Variants in ATG5 observed in about 807,000 individuals in gnomAD.
ATG5 encodes the protein autophagy protein 5.
A neutral mutation model predicts 36.5 loss-of-function variants in ATG5; 14 were observed. The ratio of observed to expected loss-of-function variants is 0.38; its 90% confidence interval spans 0.25 to 0.60. The LOEUF is 0.60. Ranked by LOEUF, ATG5 falls within the 20% of genes least tolerant of loss-of-function variation. The pLI, the probability that ATG5 is intolerant of heterozygous loss-of-function variation, is 0.60. For synonymous variants in ATG5, 95 were observed against 101.5 expected (o/e 0.94, Z 0.38); for missense variants, 195 against 326.7 (o/e 0.60, Z 3.11).
Position 106,196,642 on chromosome 6 carries a change from G to A in ATG5, c.691+5330C>T, listed in dbSNP as rs548705514. On this transcript the variant is annotated intron_variant, in intron 7 of 7. Transcript: ENST00000369076. Reference sequence around the variant, plus strand: ...GCGTGACCGAAGCACAAGATTGCTTGAACCTGGGAGGCAGGGGTTGCAGTG... The same window carrying A: ...GCGTGACCGAAGCACAAGATTGCTTAAACCTGGGAGGCAGGGGTTGCAGTG... Among the ~76,000 whole-genome samples the A allele has an allele frequency of 1.3e-3, 199 of 151,958 alleles. 2 individuals carry two copies. The highest frequency in any genetic ancestry group is 7.4e-4 in the Non-Finnish European group (50 of 67,960).
chr6:106,190,116 C>G (rs1049929862), intron 7 of ATG5, among the ~76,000 whole-genome samples: 2 of 152,084 alleles, frequency 1.3e-5, no homozygotes, highest in African/African-American at 4.8e-5. Flanking sequence ...TATCAACTAT[C>G]CCAATAATGT....
chr6:106,201,273 ATATGTG>A (rs1271620409), intron 7 of ATG5, among the ~76,000 whole-genome samples: 5 of 91,726 alleles, frequency 5.5e-5, no homozygotes, highest in African/African-American at 3.0e-4. Flanking sequence ...ATTCAAGTGT[ATATGTG>A]TGTGTGTGTG....
chr6:106,301,751 C>T (rs756917742), intron 3 of ATG5, among the ~76,000 whole-genome samples: 12 of 151,866 alleles, frequency 7.9e-5, no homozygotes, highest in Non-Finnish European at 1.6e-4. Flanking sequence ...ACAAACATTC[C>T]AAAATCTGAA....
intron 5 of ATG5, among the ~76,000 whole-genome samples, chr6:106,257,297 T>C (rs561588617): frequency 6.6e-6 from 1 of 152,322 alleles, no homozygotes; most frequent in Admixed American, 6.5e-5. Flanking sequence ...TCTAAAATAA[T>C]GAAAAAAGTA....
chr6:106,306,544 C>A (rs556709908), intron 3 of ATG5, among the ~76,000 whole-genome samples: 1 of 152,210 alleles, frequency 6.6e-6, no homozygotes, highest in South Asian at 2.1e-4. Flanking sequence ...ACAGGGTAGC[C>A]CACCACAACA....
At chr6:106,224,107 A>G (rs944582572) in intron 6 of ATG5, among the ~76,000 whole-genome samples, 1 of 152,252 alleles carries the variant, frequency 6.6e-6, no homozygotes, top group African/African-American at 2.4e-5. Context: ...ATCTGAAGTA[A>G]CTTTAGAAGC....
At chr6:106,232,646 C>T (rs1407607357) in intron 6 of ATG5, among the ~76,000 whole-genome samples, 1 of 152,086 alleles carries the variant, frequency 6.6e-6, no homozygotes, top group African/African-American at 2.4e-5. Context: ...CCTAAAAGCC[C>T]AAGGCCTAGT....
At chr6:106,216,235 T>C (rs1284380794) in intron 6 of ATG5, among the ~76,000 whole-genome samples, 1 of 150,512 alleles carries the variant, frequency 6.6e-6, no homozygotes, top group Non-Finnish European at 1.5e-5. Context: ...AACCCAGCAA[T>C]TCTACTCCTA....
chr6:106,204,384 T>C (rs767057282), intron 6 of ATG5, among the ~76,000 whole-genome samples: 31 of 152,204 alleles, frequency 2.0e-4, no homozygotes, highest in South Asian at 4.1e-4. Context: ...GTATGAAAAT[T>C]GTAATTTTTA....
At chr6:106,324,260 A>G (rs947924818) in intron 1 of ATG5, among the ~76,000 whole-genome samples, 1 of 152,218 alleles carries the variant, frequency 6.6e-6, no homozygotes. Context: ...ACAATACACC[A>G]TAACAACTAT....
In ATG5 at chr6:106,297,063, G is replaced by A. The variant is rs1000471636; in HGVS notation, c.237-3957C>T. Among the ~76,000 whole-genome samples, 28 of 152,156 alleles carry A rather than the reference G, an allele frequency of 1.8e-4. 1 individual carries two copies. ...TGAAATCTCAAACTCTGAGTCTTTA[G>A]ATGATATCTTAAATTTTCCATAGCT... On this transcript the variant is annotated intron_variant, in intron 3 of 7. Transcript: ENST00000369076.
chr6:106,255,405 T>A (rs1582617309), intron 5 of ATG5, among the ~76,000 whole-genome samples: 1 of 152,318 alleles, frequency 6.6e-6, no homozygotes, highest in East Asian at 1.9e-4. Context: ...AGCTACCTCA[T>A]GAAAACTCTG....
intron 3 of ATG5, among the ~76,000 whole-genome samples, chr6:106,293,558 T>C (rs970715466): frequency 6.6e-6 from 1 of 152,228 alleles, no homozygotes; most frequent in Non-Finnish European, 1.5e-5. Flanking sequence ...TTATTACCAT[T>C]AACATTATAG....
At chr6:106,260,505 T>C (rs897815023) in intron 5 of ATG5, among the ~76,000 whole-genome samples, 1 of 152,204 alleles carries the variant, frequency 6.6e-6, no homozygotes, top group Non-Finnish European at 1.5e-5. Flanking sequence ...AAAAGCACTT[T>C]GAAGACGATA....
At chr6:106,204,710 G>A (rs1776566343) in intron 6 of ATG5, among the ~76,000 whole-genome samples, 1 of 152,116 alleles carries the variant, frequency 6.6e-6, no homozygotes, top group South Asian at 2.1e-4. Flanking sequence ...CTTTCCTGCT[G>A]GCTTGTGAAG....
At chr6:106,268,123 C>A (rs1482686332) in intron 5 of ATG5, among the ~76,000 whole-genome samples, 1 of 152,114 alleles carries the variant, frequency 6.6e-6, no homozygotes, top group African/African-American at 2.4e-5. Flanking sequence ...AAAATTTCTG[C>A]AATCTACCTA....
intron 5 of ATG5, among the ~76,000 whole-genome samples, chr6:106,260,642 T>C (rs1778982913): frequency 6.6e-6 from 1 of 152,208 alleles, no homozygotes; most frequent in African/African-American, 2.4e-5. Flanking sequence ...CTAATTAAAA[T>C]ACCAGTGGCA....
chr6:106,307,535 C>CTT lies in ATG5; in HGVS notation c.236+827_236+828dup, dbSNP rs34511184. ...AGGTTTAGGATTTGATTTCAATACC[C>CTT]TTTTTTTTTTTTTTTTTTTTTGAGA... On this transcript the variant is annotated intron_variant, in intron 3 of 7. Transcript: ENST00000369076. Among the ~76,000 whole-genome samples the CTT allele has an allele frequency of 5.9e-3, 617 of 105,104 alleles. 5 individuals carry two copies. The highest frequency in any genetic ancestry group is 0.024 in the Middle Eastern group (4 of 170). 69.0% of individuals were successfully genotyped at this position (105,104 alleles called of 152,430 possible).
intron 7 of ATG5, among the ~76,000 whole-genome samples, chr6:106,199,158 G>C (rs1267483584): frequency 6.6e-6 from 1 of 152,218 alleles, no homozygotes; most frequent in African/African-American, 2.4e-5. Flanking sequence ...GGAAAGCTCA[G>C]TAGTTTCTTT....
Sources: gnomAD v4.1 joint callset for allele counts (sites outside exome capture counted in the v4.1 genomes callset) on GRCh38, gnomAD v4.1.1 for gene constraint, MANE v1.5 for transcripts, NCBI Gene and HGNC (gene_info 2026-07-23, HGNC 2026-07-21) for gene names.